FAN1: variants seen among roughly 807,000 people sequenced by gnomAD.
FAN1 encodes fanconi-associated nuclease 1.
In FAN1, 91 loss-of-function variants were observed where a neutral mutation model predicts 104.9. The ratio of observed to expected loss-of-function variants is 0.87; its 90% confidence interval spans 0.73 to 1.03. FAN1 has a LOEUF of 1.03. FAN1 is among the 50% of genes least tolerant of loss of function. FAN1 has a pLI of 0.00. For synonymous variants in FAN1, 478 were observed against 457.6 expected (o/e 1.04, Z -0.57); for missense variants, 1,263 against 1,239.9 (o/e 1.02, Z -0.28).
intron 2 of FAN1, 55 bp from the exon 3 acceptor site, chr15:30,908,063 T>A: frequency 2.0e-6 from 3 of 1,479,396 alleles, no homozygotes. Flanking sequence ...TTATTCACCT[T>A]AGGTTTAAAA....
At chr15:30,924,438 C>T (rs2062408858) in intron 8 of FAN1, among the ~76,000 whole-genome samples, 1 of 152,196 alleles carries the variant, frequency 6.6e-6, no homozygotes, top group Non-Finnish European at 1.5e-5. Flanking sequence ...ACACCAGTGT[C>T]ACATTCCCAC....
Position 30,928,638 on chromosome 15 carries a change from C to T in FAN1, c.2574C>T (p.Val858=), listed in dbSNP as rs1314084767. ...DIIFMDGIPD[V]FRNACQAFPL... ...TCTTCATGGATGGGATTCCGGATGT[C>T]TTCAGAAACGCCTGTCAGGTACTCC... The change falls in exon 11 of 15, where the codon GTC becomes GTT. Residue 858 remains valine (V), a synonymous_variant. Transcript: ENST00000362065. 1.2e-6 allele frequency: 2 copies of T among 1,613,592 alleles called. No homozygotes were observed. Among genetic ancestry groups the T allele is most frequent in the Non-Finnish European group, 1.7e-6 (2 of 1,179,954 alleles).
intron 2 of FAN1, chr15:30,906,626 T>C: frequency 4.7e-6 from 2 of 426,898 alleles, no homozygotes; most frequent in Non-Finnish European, 9.6e-6. Flanking sequence ...TTTAGTAAAA[T>C]GCGGCCATGT....
rs140509209 is a variant in FAN1 at position 30,910,463 on chromosome 15, A to G, written c.1376-151A>G. ...TAATAGTGTTATTAATACGTTAATA[A>G]TACCATGTTAATAATTCCACATTTA... On this transcript the variant is annotated intron_variant, in intron 3 of 14. Coordinates refer to ENST00000362065, the MANE Select transcript of FAN1 (RefSeq NM_014967.5). The G allele has an allele frequency of 5.2e-4, 288 of 555,486 alleles. 1 individual carries two copies. The highest frequency in any genetic ancestry group is 5.0e-3 in the African/African-American group (267 of 53,480). The allele number at this position is 555,486 out of a possible 1,614,324, so 34.4% of individuals were successfully genotyped here.
rs1168119004 is a variant in FAN1, at chr15:30,942,272, G to C, written c.*710G>C. 1 of 673,348 alleles carries C rather than the reference G, an allele frequency of 1.5e-6. No individual in the cohort carries two copies. The allele number at this position is 673,348 out of a possible 1,614,324, so 41.7% of individuals were successfully genotyped here. On this transcript the variant is annotated 3_prime_UTR_variant, in exon 15 of 15. Transcript: ENST00000362065. ...TTTTTTATGTGTTGACTCTACCTAG[G>C]CTGTTACTATCAGCCTGAATGGGGG...
chr15:30,914,710 A>C (rs1031663170), intron 5 of FAN1, among the ~76,000 whole-genome samples: 1 of 152,178 alleles, frequency 6.6e-6, no homozygotes, highest in African/African-American at 2.4e-5. Context: ...TGACTTAGGA[A>C]TATGTTGTTG....
At chr15:30,909,792 GCATAGTTCTC>G (rs2062058484) in intron 3 of FAN1, among the ~76,000 whole-genome samples, 2 of 152,216 alleles carry the variant, frequency 1.3e-5, no homozygotes, top group African/African-American at 4.8e-5. Context: ...TGGCCACACG[GCATAGTTCTC>G]CTTTCCTTCC....
At chr15:30,939,687 G>C in intron 14 of FAN1, 6 of 959,918 alleles carry the variant, frequency 6.3e-6, no homozygotes, top group Non-Finnish European at 7.4e-6. Flanking sequence ...AAATTACAGA[G>C]GGAAAAATGC....
chr15:30,938,428 G>A (rs576450161), intron 14 of FAN1, among the ~76,000 whole-genome samples: 4 of 152,060 alleles, frequency 2.6e-5, no homozygotes, highest in Non-Finnish European at 4.4e-5. Context: ...GATTGGGCCC[G>A]GATCATGAAA....
At position 30,942,244 on chromosome 15, in the gene FAN1, C is replaced by G. The variant is rs2063079056; in HGVS notation, c.*682C>G. 3.6e-6 allele frequency: 3 copies of G among 838,308 alleles called. No homozygotes were observed. In the South Asian group the frequency reaches 5.3e-5, roughly 15 times the overall value. 51.9% of individuals were successfully genotyped at this position (838,308 alleles called of 1,614,324 possible). ...TTCTAATCCTCCTCCCCTGGAATTA[C>G]ACTTTTTTATGTGTTGACTCTACCT... is the stretch of plus-strand genomic sequence containing the variant. On this transcript the variant is annotated 3_prime_UTR_variant, in exon 15 of 15. Transcript: ENST00000362065.
At chr15:30,940,519 T>G in intron 14 of FAN1, 8 of 985,472 alleles carry the variant, frequency 8.1e-6, no homozygotes, top group Non-Finnish European at 9.6e-6. Flanking sequence ...GTGCCAGCAA[T>G]AGTTTACCAC....
intron 8 of FAN1, among the ~76,000 whole-genome samples, chr15:30,923,474 A>AG (rs1433820163): frequency 8.5e-5 from 13 of 152,222 alleles, no homozygotes; most frequent in African/African-American, 3.1e-4. Context: ...AGCTAAGCCT[A>AG]GTTCCTCCTA....
In FAN1 at chr15:30,942,191, C is replaced by T. The variant is rs2063077327; in HGVS notation, c.*629C>T. 1 of 1,223,968 alleles carries T rather than the reference C, an allele frequency of 8.2e-7. No individual in the cohort carries two copies. The highest frequency in any genetic ancestry group is 1.5e-5 in the African/African-American group (1 of 66,130). The allele number at this position is 1,223,968 out of a possible 1,614,324, so 75.8% of individuals were successfully genotyped here. A position where few individuals can be genotyped will look rare whatever the true frequency, so the allele number is the denominator to read the frequency against. On this transcript the variant is annotated 3_prime_UTR_variant, in exon 15 of 15. Transcript: ENST00000362065. The stretch of plus-strand genomic sequence containing the variant: ...TTAATGGAATTTCAGCCTCAAAGAA[C>T]ATTTTCCTCCCTTCCTTTGTGTCCT...
Position 30,942,159 on chromosome 15 carries a change from T to C in FAN1, c.*597T>C. 7.0e-7 allele frequency: 1 copy of C among 1,421,642 alleles called. No homozygotes were observed. The highest frequency in any genetic ancestry group is 9.5e-7 in the Non-Finnish European group (1 of 1,053,998). 88.1% of individuals were successfully genotyped at this position (1,421,642 alleles called of 1,614,324 possible). On this transcript the variant is annotated 3_prime_UTR_variant, in exon 15 of 15. Transcript: ENST00000362065. ...AATGGCAAATATAAACTCAATACTA[T>C]GAAAAATTAATGGAATTTCAGCCTC...
chr15:30,930,064 T>C (rs1471912207), intron 12 of FAN1, among the ~76,000 whole-genome samples: 1 of 145,874 alleles, frequency 6.9e-6, no homozygotes, highest in African/African-American at 2.5e-5. Context: ...TATATGAGAA[T>C]ACCCTATCCC....
At chr15:30,919,835 G>A (rs1332795308) in intron 6 of FAN1, among the ~76,000 whole-genome samples, 10 of 152,092 alleles carry the variant, frequency 6.6e-5, no homozygotes, top group Admixed American at 6.5e-4. Flanking sequence ...GGAGGGCTTG[G>A]TCTTGCTGTC....
At position 30,920,557 on chromosome 15, in the gene FAN1, T is replaced by C. The variant is rs2062303841; in HGVS notation, c.1956T>C (p.Asp652=). The C allele has an allele frequency of 6.2e-7, 1 of 1,609,894 alleles. No homozygotes were observed. The highest frequency in any genetic ancestry group is 1.3e-5 in the African/African-American group (1 of 74,932). The part of the protein sequence containing the change: ...KNHPSLRCHE[D]LPLFLRCFTV... ...GTCTTCATTTTAGATGCCACGAAGA[T>C]TTACCACTCTTCCTGCGGTGTTTCA... The change falls in exon 7 of 15, where the codon GAT becomes GAC. Residue 652 remains aspartate (D), a synonymous_variant. Transcript: ENST00000362065.
chr15:30,924,693 G>A (rs552463794), intron 8 of FAN1, among the ~76,000 whole-genome samples: 1 of 152,254 alleles, frequency 6.6e-6, no homozygotes, highest in South Asian at 2.1e-4. Context: ...TTGACCTGGC[G>A]CTTTGATGTG....
intron 8 of FAN1, among the ~76,000 whole-genome samples, chr15:30,923,592 T>C (rs927312921): frequency 6.6e-5 from 10 of 152,150 alleles, no homozygotes; most frequent in Non-Finnish European, 7.4e-5. Context: ...GAGTGCTAAT[T>C]CCTGCAAAGT....
Sources: allele counts gnomAD v4.1 joint callset (sites outside exome capture counted in the v4.1 genomes callset), GRCh38; gene constraint gnomAD v4.1.1; transcripts MANE v1.5; gene names NCBI Gene and HGNC (gene_info 2026-07-23, HGNC 2026-07-21).